CPNE4: variants seen among roughly 807,000 people sequenced by gnomAD.
CPNE4 encodes copine 4.
CPNE4 carries 25 observed loss-of-function variants against 67.9 expected under a neutral mutation model. The observed-to-expected ratio is 0.37, with a 90% CI of 0.27 to 0.51. The LOEUF (loss-of-function observed/expected upper bound fraction) is 0.51. Among genes scored for constraint, CPNE4 ranks in the 20% least tolerant of loss-of-function variants. The pLI, the probability that CPNE4 is intolerant of heterozygous loss-of-function variation, is 0.93. For synonymous variants in CPNE4, 242 were observed against 244.9 expected (o/e 0.99, Z 0.11); for missense variants, 464 against 690.8 (o/e 0.67, Z 3.68).
intron 15 of CPNE4, among the ~76,000 whole-genome samples, chr3:131,535,929 G>T (rs1935118095): frequency 6.6e-6 from 1 of 152,088 alleles, no homozygotes; most frequent in Admixed American, 6.6e-5. Context: ...GTGAGGCCAG[G>T]GCATAAAAAA....
intron 1 of CPNE4, among the ~76,000 whole-genome samples, chr3:131,972,030 G>A (rs2072516594): frequency 1.3e-5 from 2 of 152,008 alleles, no homozygotes; most frequent in Admixed American, 6.6e-5. Flanking sequence ...AATGGCAAAG[G>A]ACATACATTT....
intron 11 of CPNE4, among the ~76,000 whole-genome samples, 186 bp downstream of exon 11, chr3:131,564,030 T>G (rs555805988): frequency 6.6e-6 from 1 of 152,186 alleles, no homozygotes; most frequent in South Asian, 2.1e-4. Context: ...TGAGAAAGGA[T>G]TTGTTTGGTG....
At chr3:131,572,214 G>A (rs1235401871) in intron 10 of CPNE4, among the ~76,000 whole-genome samples, 3 of 152,058 alleles carry the variant, frequency 2.0e-5, no homozygotes, top group Non-Finnish European at 4.4e-5. Context: ...ATTGGTCAGA[G>A]CCACTACAGG....
At chr3:131,591,925 G>A (rs1158239467) in intron 7 of CPNE4, among the ~76,000 whole-genome samples, 1 of 152,198 alleles carries the variant, frequency 6.6e-6, no homozygotes, top group Non-Finnish European at 1.5e-5. Flanking sequence ...TGACACATCT[G>A]TGAGAGCATA....
chr3:131,969,393 A>C (rs2072444304), intron 1 of CPNE4, among the ~76,000 whole-genome samples: 1 of 152,118 alleles, frequency 6.6e-6, no homozygotes, highest in Non-Finnish European at 1.5e-5. Flanking sequence ...TAATGGCAAA[A>C]ACTACAATTA....
intron 1 of CPNE4, among the ~76,000 whole-genome samples, chr3:132,001,557 AAGAAAG>A (rs1401886260): frequency 2.8e-5 from 2 of 70,580 alleles, no homozygotes; most frequent in Admixed American, 1.4e-4. Context: ...AAAAAAGAGA[AAGAAAG>A]AAAGAAAGAA....
At position 131,631,791 on chromosome 3, in the gene CPNE4, T is replaced by C. The variant is rs148953757; in HGVS notation, c.681+37884A>G. 6.1e-4 allele frequency among the ~76,000 whole-genome samples: 92 copies of C among 151,948 alleles called. No individual in the cohort carries two copies. The East Asian group carries it at 0.012, about 19-fold the overall frequency. ...CAGGAGGAGAGAAACTGGAGATGAA[T>C]GGGAGAGTTGTGGAAGGAGATTTTA... On this transcript the variant is annotated intron_variant, in intron 7 of 15. Transcript: ENST00000429747.
At chr3:131,911,952 G>A (rs994499238) in intron 1 of CPNE4, among the ~76,000 whole-genome samples, 2 of 152,158 alleles carry the variant, frequency 1.3e-5, no homozygotes, top group African/African-American at 2.4e-5. Context: ...ATATGGCTCT[G>A]TCAACGAGTG....
intron 1 of CPNE4, among the ~76,000 whole-genome samples, chr3:131,997,703 TG>T (rs987418148): frequency 3.9e-5 from 6 of 152,196 alleles, no homozygotes; most frequent in Middle Eastern, 3.4e-3. Flanking sequence ...TTTATAGGTA[TG>T]GGAAAGACAT....
Position 131,535,192 on chromosome 3 carries a change from A to G in CPNE4, c.*3T>C. On this transcript the variant is annotated 3_prime_UTR_variant, in exon 16 of 16. Transcript: ENST00000429747. ...CAGAACTCTGTAAAACTGTGTGGGG[A>G]GTTCATGGTGCTAGTGTTCTGGAAG... The G allele has an allele frequency of 1.9e-6, 3 of 1,606,654 alleles. No homozygotes were observed. Among genetic ancestry groups the G allele is most frequent in the Non-Finnish European group, 2.5e-6 (3 of 1,177,136 alleles).
intron 11 of CPNE4, among the ~76,000 whole-genome samples, chr3:131,561,382 T>C (rs1388490227): frequency 1.3e-5 from 2 of 151,782 alleles, no homozygotes; most frequent in Non-Finnish European, 1.5e-5. Flanking sequence ...TGTGTGTTTT[T>C]GTGTGTGTGT....
chr3:131,712,871 C>T (rs1307425111), intron 3 of CPNE4, among the ~76,000 whole-genome samples: 2 of 152,206 alleles, frequency 1.3e-5, no homozygotes, highest in Admixed American at 1.3e-4. Context: ...AGATAGCGAT[C>T]TAAATTAGAT....
At chr3:131,763,332 A>G (rs2082934844) in intron 2 of CPNE4, among the ~76,000 whole-genome samples, 1 of 152,182 alleles carries the variant, frequency 6.6e-6, no homozygotes, top group Admixed American at 6.6e-5. Context: ...ATGAGTGTGC[A>G]TTATGATAAA....
chr3:131,676,270 G>A (rs940666661), intron 6 of CPNE4, among the ~76,000 whole-genome samples: 4 of 151,920 alleles, frequency 2.6e-5, no homozygotes, highest in Admixed American at 2.6e-4. Context: ...TGTTGGCCAG[G>A]CTGGTGTCCA....
At position 131,602,599 on chromosome 3, in the gene CPNE4, G is replaced by A. The variant is rs762131435; in HGVS notation, c.682-15017C>T. On this transcript the variant is annotated intron_variant, in intron 7 of 15. Transcript: ENST00000429747. Reference sequence around the variant, plus strand: ...TGGTTAGCTCAGATAAGCCTCAGAGGCTCCCAAATGCTTGTCCAAACCTTT... The same window carrying A: ...TGGTTAGCTCAGATAAGCCTCAGAGACTCCCAAATGCTTGTCCAAACCTTT... Among the ~76,000 whole-genome samples, 7 of 152,078 alleles carry A rather than the reference G, an allele frequency of 4.6e-5. No homozygotes were observed. The South Asian group carries it at 6.2e-4, about 14-fold the overall frequency.
chr3:131,975,680 A>G (rs2072630651), intron 1 of CPNE4, among the ~76,000 whole-genome samples: 1 of 152,170 alleles, frequency 6.6e-6, no homozygotes, highest in African/African-American at 2.4e-5. Flanking sequence ...GTAATTTTGT[A>G]CCAGTTGCTA....
intron 2 of CPNE4, among the ~76,000 whole-genome samples, chr3:131,902,974 A>G (rs949580446): frequency 2.6e-5 from 4 of 152,108 alleles, no homozygotes; most frequent in African/African-American, 9.7e-5. Flanking sequence ...CAATCTGCCT[A>G]TCAGCATTCA....
At position 131,706,486 on chromosome 3, in the gene CPNE4, G is replaced by A. The variant is rs768216107; in HGVS notation, c.361-6506C>T. 9.9e-5 allele frequency among the ~76,000 whole-genome samples: 15 copies of A among 152,248 alleles called. No individual in the cohort carries two copies. In the South Asian group the frequency reaches 1.2e-3, roughly 13 times the overall value. On this transcript the variant is annotated intron_variant, in intron 3 of 15. Coordinates refer to ENST00000429747, the MANE Select transcript of CPNE4 (RefSeq NM_130808.3). ...ATTGAGGTATACAGAATCGTAAACC[G>A]AAATTAAAATTCTAAGCCCCCTGAC...
At chr3:131,804,107 G>A (rs1052913702) in intron 2 of CPNE4, among the ~76,000 whole-genome samples, 1 of 152,020 alleles carries the variant, frequency 6.6e-6, no homozygotes, top group Non-Finnish European at 1.5e-5. Flanking sequence ...AGAGTTAAAG[G>A]GGTTAGTTGA....
Sources: allele counts gnomAD v4.1 joint callset (sites outside exome capture counted in the v4.1 genomes callset), GRCh38; gene constraint gnomAD v4.1.1; transcripts MANE v1.5; gene names NCBI Gene and HGNC (gene_info 2026-07-23, HGNC 2026-07-21).